The following CSMD1 variants were observed in gnomAD, a reference collection of about 807,000 sequenced individuals.
CSMD1 encodes CUB and sushi domain-containing protein 1.
Under a neutral mutation model 417.5 loss-of-function variants are expected in CSMD1, and 213 were observed. That is an observed-to-expected ratio of 0.51 (90% CI 0.46 to 0.57). CSMD1 has a LOEUF of 0.57. Ranked by LOEUF, CSMD1 falls within the 20% of genes least tolerant of loss-of-function variation. The pLI, the probability that CSMD1 is intolerant of heterozygous loss-of-function variation, is 0.00. For missense variants in CSMD1, 6,923 were observed against 4,529.7 expected, an observed-to-expected ratio of 1.53 and a Z score of -15.17; for synonymous variants, 2,862 against 1,736.8, an observed-to-expected ratio of 1.65 and a Z score of -16.11.
At chr8:3,452,369 G>A (rs1355844617) in intron 12 of CSMD1, among the ~76,000 whole-genome samples, 6 of 152,166 alleles carry the variant, frequency 3.9e-5, no homozygotes, top group African/African-American at 1.2e-4. Flanking sequence ...TAGCAGTGGT[G>A]AGAGAGGGCA....
intron 5 of CSMD1, among the ~76,000 whole-genome samples, chr8:3,818,948 A>C (rs1300348384): frequency 6.6e-6 from 1 of 152,192 alleles, no homozygotes; most frequent in Admixed American, 6.5e-5. Context: ...CCTTCTTCTA[A>C]GGGGTTTGGT....
chr8:3,669,880 C>A (rs544244037), intron 7 of CSMD1, among the ~76,000 whole-genome samples: 2 of 152,268 alleles, frequency 1.3e-5, no homozygotes, highest in African/African-American at 4.8e-5. Flanking sequence ...GATGATCAAG[C>A]ACCTCCTTCC....
At chr8:3,237,034 G>T (rs1402105141) in intron 26 of CSMD1, among the ~76,000 whole-genome samples, 1 of 151,998 alleles carries the variant, frequency 6.6e-6, no homozygotes, top group African/African-American at 2.4e-5. Context: ...AAGAACCTGC[G>T]CTGCCCTTCA....
chr8:3,381,116 A>G (rs958292151), intron 18 of CSMD1, among the ~76,000 whole-genome samples: 13 of 152,126 alleles, frequency 8.5e-5, no homozygotes, highest in Non-Finnish European at 1.3e-4. Context: ...ACGTAATTCA[A>G]TGACTGTGCT....
rs527513155 is a variant in CSMD1 at position 4,044,848 on chromosome 8, T to C, written c.416-12749A>G. Among the ~76,000 whole-genome samples, 5 of 152,340 alleles carry C rather than the reference T, an allele frequency of 3.3e-5. No individual in the cohort carries two copies. In the East Asian group the frequency reaches 5.8e-4, roughly 18 times the overall value. On this transcript the variant is annotated intron_variant, in intron 3 of 69. Transcript: ENST00000635120. ...TGAGTAGCACCCCAGGCTTGTACCA[T>C]GCTGGGGACTGCACCATCCTGAACT...
chr8:3,621,973 C>T (rs377252316), intron 7 of CSMD1, among the ~76,000 whole-genome samples: 38 of 131,408 alleles, frequency 2.9e-4, no homozygotes, highest in African/African-American at 1.1e-3. Context: ...GTCTCTCTCT[C>T]TCTTTGTGTG....
At chr8:4,906,095 C>A (rs1033319615) in intron 1 of CSMD1, among the ~76,000 whole-genome samples, 2 of 152,116 alleles carry the variant, frequency 1.3e-5, no homozygotes. Context: ...GACCAATAAT[C>A]AAATTATCCT....
chr8:3,885,127 A>G (rs1331751928), intron 5 of CSMD1, among the ~76,000 whole-genome samples: 3 of 152,066 alleles, frequency 2.0e-5, no homozygotes, highest in Non-Finnish European at 4.4e-5. Flanking sequence ...GAAACTGTGT[A>G]CCTCATTAAC....
At chr8:4,640,344 C>T (rs537151595) in intron 1 of CSMD1, among the ~76,000 whole-genome samples, 4 of 152,264 alleles carry the variant, frequency 2.6e-5, no homozygotes, top group East Asian at 3.9e-4. Flanking sequence ...AAGATAGAAT[C>T]GGATGTATTT....
intron 1 of CSMD1, among the ~76,000 whole-genome samples, chr8:4,875,878 C>A (rs1803010154): frequency 6.6e-6 from 1 of 151,860 alleles, no homozygotes; most frequent in Non-Finnish European, 1.5e-5. Context: ...TTATGAAAGC[C>A]ATTTAGTGAA....
At chr8:3,564,374 C>G (rs1313234025) in intron 10 of CSMD1, among the ~76,000 whole-genome samples, 1 of 152,130 alleles carries the variant, frequency 6.6e-6, no homozygotes, top group Non-Finnish European at 1.5e-5. Context: ...CTACACAAAC[C>G]TAGACATTCA....
intron 2 of CSMD1, among the ~76,000 whole-genome samples, chr8:4,628,796 A>C (rs561868363): frequency 6.6e-6 from 1 of 152,150 alleles, no homozygotes; most frequent in African/African-American, 2.4e-5. Context: ...AAATCACTAC[A>C]ACCTGTTAAA....
In CSMD1 at chr8:3,687,945, C is replaced by G. The variant is rs1019705898; in HGVS notation, c.1009+20469G>C. Among the ~76,000 whole-genome samples the G allele has an allele frequency of 7.2e-5, 11 of 152,172 alleles. 1 individual carries two copies. The highest frequency in any genetic ancestry group is 4.1e-4 in the South Asian group (2 of 4,836). ...TGCCTCTCTGCACCTCCTACCAACCCTTTGTTTCCTTTTCCATCATCATAT... is the reference window on the plus strand; with the variant it reads ...TGCCTCTCTGCACCTCCTACCAACCGTTTGTTTCCTTTTCCATCATCATAT... On this transcript the variant is annotated intron_variant, in intron 7 of 69. Transcript: ENST00000635120.
At chr8:3,257,197 A>G (rs543220404) in intron 26 of CSMD1, among the ~76,000 whole-genome samples, 2 of 152,260 alleles carry the variant, frequency 1.3e-5, no homozygotes, top group East Asian at 1.9e-4. Flanking sequence ...TGGTGCATCC[A>G]TCTGTAATCC....
intron 1 of CSMD1, among the ~76,000 whole-genome samples, chr8:4,937,403 G>A (rs960318006): frequency 6.6e-6 from 1 of 152,088 alleles, no homozygotes; most frequent in Non-Finnish European, 1.5e-5. Flanking sequence ...AAATATGACA[G>A]GTTGAAGAAT....
chr8:4,685,420 A>G lies in CSMD1; in HGVS notation c.86-47862T>C, dbSNP rs569956496. 2.6e-5 allele frequency among the ~76,000 whole-genome samples: 4 copies of G among 152,098 alleles called. No homozygotes were observed. In the East Asian group the frequency reaches 7.8e-4, roughly 30 times the overall value. On this transcript the variant is annotated intron_variant, in intron 1 of 69. Coordinates refer to ENST00000635120, the MANE Select transcript of CSMD1 (RefSeq NM_033225.6). ...AAAACCCCATCTCTACTAAAAATACAAAATACTAGCTGAGTGTGGTGGCAC... is the reference window on the plus strand; with the variant it reads ...AAAACCCCATCTCTACTAAAAATACGAAATACTAGCTGAGTGTGGTGGCAC...
chr8:4,456,612 G>A (rs536849443), intron 2 of CSMD1, among the ~76,000 whole-genome samples: 2 of 152,102 alleles, frequency 1.3e-5, no homozygotes, highest in African/African-American at 4.8e-5. Context: ...GAAGAGTAGA[G>A]GCAATATTAA....
At chr8:4,315,276 G>T (rs969384265) in intron 3 of CSMD1, among the ~76,000 whole-genome samples, 4 of 152,160 alleles carry the variant, frequency 2.6e-5, no homozygotes, top group Non-Finnish European at 5.9e-5. Flanking sequence ...TATGAAAACT[G>T]AGACAGTATG....
At chr8:4,231,008 C>G (rs369580565) in intron 3 of CSMD1, among the ~76,000 whole-genome samples, 28 of 152,250 alleles carry the variant, frequency 1.8e-4, no homozygotes, top group African/African-American at 6.0e-4. Context: ...TCATCACACA[C>G]ACATTCACAG....
Sources: allele counts gnomAD v4.1 joint callset (sites outside exome capture counted in the v4.1 genomes callset), GRCh38; gene constraint gnomAD v4.1.1; transcripts MANE v1.5; gene names NCBI Gene and HGNC (gene_info 2026-07-23, HGNC 2026-07-21).